The following SLC6A12 variants were observed in gnomAD, a reference collection of about 807,000 sequenced individuals.
SLC6A12 encodes sodium- and chloride-dependent betaine transporter.
SLC6A12 carries 50 observed loss-of-function variants against 73.3 expected under a neutral mutation model. That is an observed-to-expected ratio of 0.68 (90% confidence interval 0.54 to 0.86). The LOEUF (loss-of-function observed/expected upper bound fraction) is 0.86, where lower values mean the gene tolerates loss of function less well. Among genes scored for constraint, SLC6A12 ranks in the 40% least tolerant of loss-of-function variants. The pLI is 0.00. For synonymous variants in SLC6A12, 304 were observed against 309.2 expected (o/e 0.98, Z 0.18); for missense variants, 648 against 772.8 (o/e 0.84, Z 1.92).
At chr12:209,563 C>A (rs184398012) in intron 3 of SLC6A12, 84 of 599,600 alleles carry the variant, frequency 1.4e-4, no homozygotes, top group African/African-American at 1.4e-3. Context: ...CCAGTTTCAT[C>A]TTCACCGTCA....
chr12:210,175 C>T (rs1940846723), intron 2 of SLC6A12, 132 bp from the exon 3 acceptor site: 2 of 1,255,052 alleles, frequency 1.6e-6, no homozygotes, highest in East Asian at 2.6e-5. Context: ...CCTAAAGTTC[C>T]AGTTCGTTCT....
At chr12:191,695 C>T (rs900974613) in intron 15 of SLC6A12, among the ~76,000 whole-genome samples, 2 of 152,172 alleles carry the variant, frequency 1.3e-5, no homozygotes, top group Non-Finnish European at 2.9e-5. Flanking sequence ...CATCTGCTCC[C>T]TCCTTCTTGC....
chr12:204,506 G>C (rs2137181476), intron 4 of SLC6A12, 58 bp downstream of exon 4: 3 of 1,532,316 alleles, frequency 2.0e-6, no homozygotes, highest in Non-Finnish European at 2.7e-6. Flanking sequence ...GAGAGACCAT[G>C]GGGGGATGCA....
downstream of SLC6A12, among the ~76,000 whole-genome samples, chr12:188,374 G>A (rs562734496): frequency 2.6e-5 from 4 of 152,188 alleles, no homozygotes; most frequent in Non-Finnish European, 5.9e-5. Flanking sequence ...TCCGATTGTG[G>A]GGCCCGCCGA....
At position 202,849 on chromosome 12, in the gene SLC6A12, T is replaced by C; in HGVS notation, c.381A>G (p.Ser127=). The stretch of plus-strand genomic sequence containing the variant: ...TGATGATGTAGTAGACATTCAAATA[T>C]GACTCGATGACCACAGATGCCAGAC... ...GIGLASVVIE[S]YLNVYYIIIL... is the part of the protein sequence containing the mutation. Residue 127 remains serine (S), a synonymous_variant, in exon 5 of 16, where the codon TCA becomes TCG. Coordinates refer to ENST00000684302, the MANE Select transcript of SLC6A12 (RefSeq NM_001122848.3). 1.2e-6 allele frequency: 2 copies of C among 1,613,966 alleles called. No individual in the cohort carries two copies. Among genetic ancestry groups the C allele is most frequent in the Non-Finnish European group, 1.7e-6 (2 of 1,179,932 alleles).
intron 6 of SLC6A12, 105 bp downstream of exon 6, chr12:201,657 G>A (rs571087528): frequency 2.2e-6 from 2 of 898,148 alleles, no homozygotes; most frequent in Admixed American, 1.9e-5. Flanking sequence ...GGAAGTGCTG[G>A]AAAGCACACA....
At chr12:187,632 C>CAAAAAAAAAAAAA (rs766643317), downstream of SLC6A12, among the ~76,000 whole-genome samples, 1 of 96,380 alleles carries the variant, frequency 1.0e-5, no homozygotes, top group Non-Finnish European at 2.0e-5. Flanking sequence ...AAAAAAAAAA[C>CAAAAAAAAAAAAA]AAACCACACA....
chr12:189,431 T>C (rs924724586), downstream of SLC6A12, among the ~76,000 whole-genome samples: 7 of 152,056 alleles, frequency 4.6e-5, no homozygotes, highest in African/African-American at 1.2e-4. Flanking sequence ...AGGGCACAGG[T>C]GCACAGAGCA....
In SLC6A12 at chr12:192,883, G is replaced by A. The variant is rs141068523; in HGVS notation, c.1531-235C>T. The stretch of plus-strand genomic sequence containing the variant: ...GAAGAGCATCATTCACATCACAGAC[G>A]GAGACAGGAGGCGATACAAAGGAAG... On this transcript the variant is annotated intron_variant, in intron 14 of 15. Transcript: ENST00000684302. Among the ~76,000 whole-genome samples the A allele has an allele frequency of 3.4e-3, 496 of 144,050 alleles. 2 individuals carry two copies. Among genetic ancestry groups the A allele is most frequent in the African/African-American group, 0.012 (472 of 38,518 alleles). The allele number at this position is 144,050 out of a possible 152,430, so 94.5% of individuals were successfully genotyped here.
chr12:190,054 G>A (rs1939527730), downstream of SLC6A12: 2 of 147,272 alleles, frequency 1.4e-5, no homozygotes, highest in Non-Finnish European at 2.9e-5. Flanking sequence ...AACAGAAACG[G>A]AGCAAGGCAA....
chr12:210,218 G>A lies in SLC6A12; in HGVS notation c.-57-175C>T, dbSNP rs1207668546. 3 of 1,162,596 alleles carry A rather than the reference G, an allele frequency of 2.6e-6. No homozygotes were observed. In the African/African-American group the frequency reaches 4.7e-5, roughly 18 times the overall value. The allele number at this position is 1,162,596 out of a possible 1,614,324, so 72.0% of individuals were successfully genotyped here. A position where few individuals can be genotyped will look rare whatever the true frequency, so the allele number is the denominator to read the frequency against. On this transcript the variant is annotated intron_variant, in intron 2 of 15. Coordinates refer to ENST00000684302, the MANE Select transcript of SLC6A12 (RefSeq NM_001122848.3). The stretch of plus-strand genomic sequence containing the variant: ...GTAAGAGCAAACCTTAGTTTTCTGA[G>A]TTTGCAGATGAGGAAATCCAGGCCT...
At chr12:187,589 C>CAAAAAAAAAAAAAAA (rs761187495), downstream of SLC6A12, among the ~76,000 whole-genome samples, 81 of 106,032 alleles carry the variant, frequency 7.6e-4, 5 homozygotes, top group Non-Finnish European at 9.3e-4. Context: ...TGCAAAAGAG[C>CAAAAAAAAAAAAAAA]AAAAAAAAAA....
the SLC6A12 span, among the ~76,000 whole-genome samples, chr12:184,103 T>G: frequency 6.6e-6 from 1 of 152,052 alleles, no homozygotes; most frequent in East Asian, 1.9e-4. Context: ...CAAAAAAAAA[T>G]ATGCCATAAC....
chr12:198,833 G>C lies in SLC6A12; in HGVS notation c.810C>G (p.Tyr270Ter), dbSNP rs575437623. The change falls in exon 8 of 16, where the codon TAC becomes TAG. Residue 270 changes from tyrosine to a stop codon, truncating the protein, a stop_gained. Transcript: ENST00000684302. LOFTEE classifies it high-confidence loss of function. The surrounding 1 kb of genome is among the most constrained non-coding windows in gnomAD (Gnocchi z 4.0). ...LPGAYQGIIY[Y>*]LKPDLFRLKD... ...TGAGGCGGAACAAATCTGGCTTCAA[G>C]TAGTAGATGATGCCCTGGTAGGCTC... is the stretch of plus-strand genomic sequence containing the variant. 1 of 1,614,206 alleles carries C rather than the reference G, an allele frequency of 6.2e-7. No homozygotes were observed. Among genetic ancestry groups the C allele is most frequent in the South Asian group, 1.1e-5 (1 of 91,088 alleles).
At chr12:187,636 C>CA (rs1478041608), downstream of SLC6A12, among the ~76,000 whole-genome samples, 372 of 58,966 alleles carry the variant, frequency 6.3e-3, 17 homozygotes, top group Middle Eastern at 0.011. Context: ...AAAAAACAAA[C>CA]CACACACACA....
intron 12 of SLC6A12, 39 bp from the exon 13 acceptor site, chr12:195,366 G>A (rs747925099): frequency 7.6e-7 from 1 of 1,314,654 alleles, no homozygotes; most frequent in Non-Finnish European, 1.1e-6. Context: ...GGCCAGTGCA[G>A]AGCTGGGACA....
chr12:186,708 T>C (rs1009463387), downstream of SLC6A12, among the ~76,000 whole-genome samples: 7 of 152,378 alleles, frequency 4.6e-5, 1 homozygote, highest in African/African-American at 2.4e-5. Flanking sequence ...TGGTGTACTC[T>C]GCCACGTGGG....
chr12:195,310 G>T lies in SLC6A12; in HGVS notation c.1344C>A (p.Phe448Leu). The T allele has an allele frequency of 6.2e-7, 1 of 1,611,860 alleles. No individual in the cohort carries two copies. Among genetic ancestry groups the T allele is most frequent in the Non-Finnish European group, 8.5e-7 (1 of 1,177,852 alleles). ...FLVTEGGMYI[F>L]QLFDYYASSG... Reference sequence around the variant, plus strand: ...TGGAAGCATAGTAGTCAAACAGCTGGAAGATGTACATCCCGCCCTGTGGGG... The same window carrying T: ...TGGAAGCATAGTAGTCAAACAGCTGTAAGATGTACATCCCGCCCTGTGGGG... Residue 448 changes from phenylalanine (F) to leucine (L), a missense_variant, in exon 13 of 16, where the codon TTC (phenylalanine) becomes TTA (leucine). Coordinates refer to ENST00000684302, the MANE Select transcript of SLC6A12 (RefSeq NM_001122848.3).
chr12:197,184 TCCATCCATCCATTC>T (rs1939953625), intron 10 of SLC6A12, among the ~76,000 whole-genome samples, 179 bp downstream of exon 10: 1 of 135,204 alleles, frequency 7.4e-6, no homozygotes, highest in African/African-American at 2.7e-5. Flanking sequence ...CATCCATCCA[TCCATCCATCCATTC>T]ATCCATCCAT....
Sources: allele counts gnomAD v4.1 joint callset (sites outside exome capture counted in the v4.1 genomes callset), GRCh38; gene constraint gnomAD v4.1.1; non-coding constraint Gnocchi (gnomAD v3.1); transcripts MANE v1.5; gene names NCBI Gene and HGNC (gene_info 2026-07-23, HGNC 2026-07-21).